FANCM: variants seen among roughly 807,000 people sequenced by gnomAD.
The protein encoded by FANCM is FA complementation group M.
In FANCM, 140 loss-of-function variants were observed where a neutral mutation model predicts 199.5. The ratio of observed to expected loss-of-function variants is 0.70; its 90% CI spans 0.61 to 0.81. The LOEUF is 0.81. Among genes scored for constraint, FANCM ranks in the 30% least tolerant of loss-of-function variants. The pLI is 0.00. For missense variants in FANCM, 2,410 were observed against 2,421.4 expected, an observed-to-expected ratio of 1.00 and a Z score of 0.10; for synonymous variants, 840 against 836.8, an observed-to-expected ratio of 1.00 and a Z score of -0.07.
At chr14:45,140,873 C>A (rs1885869652) in intron 3 of FANCM, among the ~76,000 whole-genome samples, 164 bp downstream of exon 3, 1 of 151,966 alleles carries the variant, frequency 6.6e-6, no homozygotes, top group Non-Finnish European at 1.5e-5. Flanking sequence ...AGACCTATCT[C>A]TACAAAAAAT....
At chr14:45,196,062 A>G in intron 20 of FANCM, 110 bp from the exon 21 acceptor site, 1 of 1,149,948 alleles carries the variant, frequency 8.7e-7, no homozygotes, top group South Asian at 1.2e-5. Context: ...GTCAAATTGA[A>G]GGACGAAAAC....
In FANCM at chr14:45,196,452, G is replaced by C. The variant is rs2139320361; in HGVS notation, c.5621G>C (p.Ser1874Thr). The C allele has an allele frequency of 6.2e-7, 1 of 1,614,096 alleles. No individual in the cohort carries two copies. The highest frequency in any genetic ancestry group is 2.2e-5 in the East Asian group (1 of 44,872). The change falls in exon 21 of 23, where the codon AGT (serine) becomes ACT (threonine). Residue 1874 changes from serine to threonine, a missense_variant. Physicochemically the swap from Ser to Thr is moderately conservative, Grantham distance 58. Coordinates refer to ENST00000267430, the MANE Select transcript of FANCM (RefSeq NM_020937.4). Reference sequence around the variant, plus strand: ...AGGTCTCAATCTGAGATGTTAAATAGTGTCAATAAGAACAAGTTCATTGAG... The same window carrying C: ...AGGTCTCAATCTGAGATGTTAAATACTGTCAATAAGAACAAGTTCATTGAG... ...ERRSQSEMLN[S>T]VNKNKFIEQI... is the part of the protein sequence containing the mutation.
rs1012042292 is a variant in FANCM at position 45,140,625 on chromosome 14, T to C, written c.682-7T>C. ...AGATGAAACTAAAGAACTTTTTTTT[T>C]CTTAAGGTTGTAAGAGAACTAGTCA... On this transcript the variant is annotated splice_region_variant and splice_polypyrimidine_tract_variant and intron_variant, in intron 2 of 22. Coordinates refer to ENST00000267430, the MANE Select transcript of FANCM (RefSeq NM_020937.4). 10 of 1,558,002 alleles carry C rather than the reference T, an allele frequency of 6.4e-6. No homozygotes were observed. Among genetic ancestry groups the C allele is most frequent in the East Asian group, 2.2e-5 (1 of 44,598 alleles).
In FANCM at chr14:45,170,835, T is replaced by C. The variant is rs955704273; in HGVS notation, c.2160+89T>C. ...GATGTTCTTTATAATGATCAAGCAA[T>C]AGCTTTGGGAATAATGAGATAATTG... On this transcript the variant is annotated intron_variant, in intron 12 of 22. Transcript: ENST00000267430. 10 of 1,066,696 alleles carry C rather than the reference T, an allele frequency of 9.4e-6. No individual in the cohort carries two copies. In the African/African-American group the frequency reaches 1.4e-4, roughly 15 times the overall value. 66.1% of individuals were successfully genotyped at this position (1,066,696 alleles called of 1,614,324 possible).
chr14:45,164,307 T>A, intron 9 of FANCM, 52 bp from the exon 10 acceptor site: 1 of 1,410,834 alleles, frequency 7.1e-7, no homozygotes, highest in South Asian at 1.2e-5. Flanking sequence ...TGCTTTGATC[T>A]ACAGTTCTCT....
At chr14:45,157,402 A>G (rs967403623) in intron 8 of FANCM, among the ~76,000 whole-genome samples, 25 of 152,230 alleles carry the variant, frequency 1.6e-4, no homozygotes, top group African/African-American at 6.0e-4. Context: ...GTCCTGAAGA[A>G]TATCAACAGT....
intron 3 of FANCM, among the ~76,000 whole-genome samples, chr14:45,147,261 C>G (rs940555051): frequency 6.6e-6 from 1 of 152,012 alleles, no homozygotes; most frequent in Non-Finnish European, 1.5e-5. Flanking sequence ...GTTCCCCGCC[C>G]CCCCCAAAAC....
At chr14:45,195,440 A>T in intron 20 of FANCM, 1 of 420,010 alleles carries the variant, frequency 2.4e-6, no homozygotes, top group Non-Finnish European at 4.8e-6. Context: ...TTTATTTTTT[A>T]TTTGCGCTTA....
intron 14 of FANCM, 65 bp downstream of exon 14, chr14:45,177,041 T>C (rs1415082125): frequency 9.3e-7 from 1 of 1,080,266 alleles, no homozygotes; most frequent in African/African-American, 1.6e-5. Flanking sequence ...AATACTTTGG[T>C]AATTTTTCCA....
rs1373913163 is a variant in FANCM at position 45,183,816 on chromosome 14, C to A, written c.4429C>A (p.Pro1477Thr). Residue 1477 changes from proline to threonine, a missense_variant, in exon 17 of 23, where the codon CCA becomes ACA. By Grantham distance (38) the Pro-to-Thr change is conservative. Coordinates refer to ENST00000267430, the MANE Select transcript of FANCM (RefSeq NM_020937.4). ...SSDESENFPK[P>T]CSQLEDFKVC... ...TGATGAGAGTGAGAATTTTCCCAAA[C>A]CATGTTCACAATTAGAAGACTTCAA... is the stretch of plus-strand genomic sequence containing the variant. 4.3e-6 allele frequency: 7 copies of A among 1,609,204 alleles called. No individual in the cohort carries two copies. Among genetic ancestry groups the A allele is most frequent in the Non-Finnish European group, 6.0e-6 (7 of 1,176,072 alleles).
Position 45,156,872 on chromosome 14 carries a change from T to G in FANCM, c.1396+1413T>G, listed in dbSNP as rs371928637. Among the ~76,000 whole-genome samples, 494 of 139,640 alleles carry G rather than the reference T, an allele frequency of 3.5e-3. 8 individuals are homozygous for G. Among genetic ancestry groups the G allele is most frequent in the African/African-American group, 0.013 (477 of 36,160 alleles). The allele number at this position is 139,640 out of a possible 152,430, so 91.6% of individuals were successfully genotyped here. The stretch of plus-strand genomic sequence containing the variant: ...GACGGAGGTTGCGGTAAGCCAAGAT[T>G]GCGCCACTGCACTGCAGCCTGGCAA... On this transcript the variant is annotated intron_variant, in intron 8 of 22. Transcript: ENST00000267430.
Position 45,175,742 on chromosome 14 carries a change from T to C in FANCM, c.2988T>C (p.Tyr996=), listed in dbSNP as rs373971974. ...CTAATGTAGAGAGATTTTTATCTTA[T>C]TCTCCTCCGCCTCTCAGTGGACTCT... ...VLANVERFLS[Y]SPPPLSGLSD... Residue 996 remains tyrosine, a synonymous_variant, in exon 14 of 23, where the codon TAT becomes TAC. Transcript: ENST00000267430. 8 of 1,613,782 alleles carry C rather than the reference T, an allele frequency of 5.0e-6. No individual in the cohort carries two copies. Among genetic ancestry groups the C allele is most frequent in the Non-Finnish European group, 5.9e-6 (7 of 1,179,920 alleles).
chr14:45,173,228 C>T lies in FANCM; in HGVS notation c.2316+18C>T, dbSNP rs777978878. On this transcript the variant is annotated intron_variant, in intron 13 of 22. Coordinates refer to ENST00000267430, the MANE Select transcript of FANCM (RefSeq NM_020937.4). ...ACGAAGAGGTGGGGTTTTATTGTAA[C>T]TTTCTCTTGCTGGTATGATAGTAAA... 6.2e-7 allele frequency: 1 copy of T among 1,607,500 alleles called. No individual in the cohort carries two copies. The highest frequency in any genetic ancestry group is 1.7e-5 in the Admixed American group (1 of 60,004).
chr14:45,162,140 C>G (rs1378790068), intron 9 of FANCM, among the ~76,000 whole-genome samples: 2 of 152,182 alleles, frequency 1.3e-5, no homozygotes, highest in East Asian at 3.9e-4. Flanking sequence ...ATTCCTAACA[C>G]TTTGGGAGGC....
At chr14:45,188,370 T>A (rs184246532) in intron 19 of FANCM, among the ~76,000 whole-genome samples, 49 of 152,234 alleles carry the variant, frequency 3.2e-4, no homozygotes, top group African/African-American at 1.2e-3. Flanking sequence ...TTTTTGTCCT[T>A]GGTTGATCAA....
chr14:45,199,073 C>A, intron 22 of FANCM, 138 bp downstream of exon 22: 1 of 659,974 alleles, frequency 1.5e-6, no homozygotes, highest in Non-Finnish European at 2.6e-6. Flanking sequence ...TTTTGCCTGC[C>A]AACATATATT....
chr14:45,147,947 C>T (rs892610085), intron 3 of FANCM, among the ~76,000 whole-genome samples: 9 of 151,704 alleles, frequency 5.9e-5, no homozygotes, highest in Non-Finnish European at 1.3e-4. Flanking sequence ...CCTGTAATCC[C>T]AGCACTTTGG....
intron 5 of FANCM, 113 bp downstream of exon 5, chr14:45,151,641 G>T: frequency 1.0e-6 from 1 of 981,138 alleles, no homozygotes; most frequent in South Asian, 1.4e-5. Flanking sequence ...ATTGAAAAAT[G>T]AGGCCGAACA....
intron 3 of FANCM, among the ~76,000 whole-genome samples, chr14:45,143,596 C>T (rs1353365315): frequency 6.6e-6 from 1 of 151,854 alleles, no homozygotes; most frequent in Non-Finnish European, 1.5e-5. Context: ...TTCTGGTTTC[C>T]TTTATTGAAG....
Sources: allele counts gnomAD v4.1 joint callset (sites outside exome capture counted in the v4.1 genomes callset), GRCh38; gene constraint gnomAD v4.1.1; transcripts MANE v1.5; gene names NCBI Gene and HGNC (gene_info 2026-07-23, HGNC 2026-07-21).